LUZP2: variants seen among roughly 807,000 people sequenced by gnomAD.
The protein encoded by LUZP2 is leucine zipper protein 2.
In LUZP2, 52 loss-of-function variants were observed where a neutral mutation model predicts 51.6. That is an observed-to-expected ratio of 1.01 (90% CI 0.81 to 1.27). The LOEUF (loss-of-function observed/expected upper bound fraction) is 1.27. Among genes scored for constraint, LUZP2 ranks in the 50% most tolerant of loss-of-function variants. LUZP2 has a pLI of 0.00. For missense variants in LUZP2, 436 were observed against 395.4 expected, an observed-to-expected ratio of 1.10 and a Z score of -0.87; for synonymous variants, 154 against 137.3, an observed-to-expected ratio of 1.12 and a Z score of -0.85.
At chr11:24,775,457 A>G (rs1848888701) in intron 5 of LUZP2, among the ~76,000 whole-genome samples, 1 of 152,234 alleles carries the variant, frequency 6.6e-6, no homozygotes, top group Admixed American at 6.5e-5. Context: ...AAAGCATAAT[A>G]TAAAGAAACA....
In LUZP2 at chr11:24,885,750, T is replaced by G. The variant is rs117165818; in HGVS notation, c.397-20241T>G. 7.7e-3 allele frequency among the ~76,000 whole-genome samples: 1,176 copies of G among 152,232 alleles called. 9 individuals carry two copies. Among genetic ancestry groups the G allele is most frequent in the Non-Finnish European group, 0.012 (798 of 67,994 alleles). ...TAAGAGATTATCTAAACGTGTTCCA[T>G]TTTTTCACACACGTGGATGCTGAGT... On this transcript the variant is annotated intron_variant, in intron 5 of 11. Transcript: ENST00000336930.
intron 9 of LUZP2, among the ~76,000 whole-genome samples, chr11:24,993,361 A>G (rs1170108919): frequency 2.0e-5 from 3 of 152,170 alleles, no homozygotes; most frequent in Non-Finnish European, 4.4e-5. Flanking sequence ...AGTCAATACC[A>G]AAACTCTATC....
intron 7 of LUZP2, among the ~76,000 whole-genome samples, chr11:24,965,289 C>T (rs995417342): frequency 1.3e-5 from 2 of 149,004 alleles, no homozygotes; most frequent in African/African-American, 5.0e-5. Flanking sequence ...ATGAAATTCA[C>T]CTGGCCTAAA....
At chr11:25,046,610 A>T (rs1198211931) in intron 9 of LUZP2, among the ~76,000 whole-genome samples, 1 of 152,120 alleles carries the variant, frequency 6.6e-6, no homozygotes, top group African/African-American at 2.4e-5. Flanking sequence ...AACACACACT[A>T]TCTTCCTTTA....
intron 10 of LUZP2, among the ~76,000 whole-genome samples, chr11:25,054,622 A>T (rs1226612961): frequency 6.6e-6 from 1 of 152,102 alleles, no homozygotes; most frequent in African/African-American, 2.4e-5. Flanking sequence ...CTTTGTCAAA[A>T]AATAACTGAC....
intron 5 of LUZP2, among the ~76,000 whole-genome samples, chr11:24,845,583 A>G (rs1014240542): frequency 1.3e-5 from 2 of 152,156 alleles, no homozygotes; most frequent in African/African-American, 4.8e-5. Flanking sequence ...CCCAAATTTC[A>G]TATTGAATTG....
At chr11:24,710,795 C>T (rs1472148889) in intron 1 of LUZP2, among the ~76,000 whole-genome samples, 1 of 151,990 alleles carries the variant, frequency 6.6e-6, no homozygotes, top group Non-Finnish European at 1.5e-5. Context: ...TTCTATCATA[C>T]TTTAAATGAA....
chr11:24,602,026 G>A lies in LUZP2; in HGVS notation c.62+104721G>A, dbSNP rs143444348. On this transcript the variant is annotated intron_variant, in intron 1 of 11. Transcript: ENST00000336930. ...TATATATGTATATATGTATATATGTGTATATATGTATATCTGTATATATGT... is the reference window on the plus strand; with the variant it reads ...TATATATGTATATATGTATATATGTATATATATGTATATCTGTATATATGT... Among the ~76,000 whole-genome samples the A allele has an allele frequency of 7.4e-3, 1,046 of 140,948 alleles. 17 individuals are homozygous for A. The highest frequency in any genetic ancestry group is 0.026 in the African/African-American group (982 of 37,986). 92.5% of individuals were successfully genotyped at this position (140,948 alleles called of 152,430 possible).
intron 1 of LUZP2, among the ~76,000 whole-genome samples, chr11:24,722,686 G>A (rs1301403668): frequency 6.6e-6 from 1 of 152,152 alleles, no homozygotes; most frequent in Admixed American, 6.6e-5. Context: ...GGGAGGCCAA[G>A]GCAGGAGGAT....
chr11:24,512,539 AG>A (rs1418503450), intron 1 of LUZP2, among the ~76,000 whole-genome samples: 21 of 152,196 alleles, frequency 1.4e-4, no homozygotes, highest in African/African-American at 5.1e-4. Flanking sequence ...AAAGTTTTTC[AG>A]AAAAATGACA....
chr11:24,817,551 C>T (rs564221712), intron 5 of LUZP2, among the ~76,000 whole-genome samples: 19 of 151,970 alleles, frequency 1.3e-4, no homozygotes, highest in East Asian at 3.9e-4. Flanking sequence ...TTGTCTTCAA[C>T]GCCCACATAT....
intron 1 of LUZP2, among the ~76,000 whole-genome samples, chr11:24,694,481 G>T (rs372480192): frequency 7.9e-5 from 12 of 152,124 alleles, no homozygotes; most frequent in African/African-American, 2.6e-4. Flanking sequence ...AATACTTATA[G>T]AATTAATAGA....
At chr11:24,933,725 T>C (rs1214898187) in intron 7 of LUZP2, among the ~76,000 whole-genome samples, 1 of 152,188 alleles carries the variant, frequency 6.6e-6, no homozygotes, top group Non-Finnish European at 1.5e-5. Flanking sequence ...CATGCGCATC[T>C]GTGTGAAGGG....
intron 1 of LUZP2, among the ~76,000 whole-genome samples, chr11:24,534,141 G>A (rs1183201705): frequency 2.0e-5 from 3 of 151,018 alleles, no homozygotes; most frequent in South Asian, 2.1e-4. Context: ...AATGCCAGGC[G>A]AGTGTTGGAG....
chr11:24,862,072 C>T (rs574488340), intron 5 of LUZP2, among the ~76,000 whole-genome samples: 1 of 152,240 alleles, frequency 6.6e-6, no homozygotes, highest in East Asian at 1.9e-4. Context: ...TCCCACCACT[C>T]TGACTGATCT....
chr11:25,038,640 G>A (rs1857937652), intron 9 of LUZP2, among the ~76,000 whole-genome samples: 1 of 152,182 alleles, frequency 6.6e-6, no homozygotes. Flanking sequence ...CTGAATTCCA[G>A]TCTATCATTT....
intron 9 of LUZP2, among the ~76,000 whole-genome samples, chr11:25,001,763 C>T (rs939413493): frequency 6.6e-6 from 1 of 151,930 alleles, no homozygotes; most frequent in African/African-American, 2.4e-5. Context: ...CAGTCTCTTC[C>T]TCTGTCTCTC....
At chr11:25,066,255 T>C (rs1363296764) in intron 10 of LUZP2, among the ~76,000 whole-genome samples, 4 of 151,920 alleles carry the variant, frequency 2.6e-5, no homozygotes, top group African/African-American at 9.7e-5. Context: ...TCATTCACTG[T>C]GGCATTGTCC....
At chr11:24,860,919 A>G (rs188586124) in intron 5 of LUZP2, among the ~76,000 whole-genome samples, 1 of 152,306 alleles carries the variant, frequency 6.6e-6, no homozygotes, top group Admixed American at 6.5e-5. Flanking sequence ...TGATCGCAAC[A>G]TTTTGCCATC....
Sources: allele counts gnomAD v4.1 joint callset (sites outside exome capture counted in the v4.1 genomes callset), GRCh38; gene constraint gnomAD v4.1.1; transcripts MANE v1.5; gene names NCBI Gene and HGNC (gene_info 2026-07-23, HGNC 2026-07-21).